SLC4A8: variants seen among roughly 807,000 people sequenced by gnomAD.
SLC4A8 encodes solute carrier family 4 member 8.
A neutral mutation model predicts 125.0 loss-of-function variants in SLC4A8; 40 were observed. The ratio of observed to expected loss-of-function variants is 0.32; its 90% CI spans 0.25 to 0.42. SLC4A8 has a LOEUF of 0.42. Ranked by LOEUF, SLC4A8 falls within the 10% of genes least tolerant of loss-of-function variation. The pLI is 1.00. For synonymous variants in SLC4A8, 456 were observed against 476.0 expected, an observed-to-expected ratio of 0.96 and a Z score of 0.55; for missense variants, 863 against 1,355.1, an observed-to-expected ratio of 0.64 and a Z score of 5.70.
chr12:51,406,586 C>T (rs1004864690), intron 1 of SLC4A8, among the ~76,000 whole-genome samples: 2 of 152,122 alleles, frequency 1.3e-5, no homozygotes, highest in Non-Finnish European at 2.9e-5. Context: ...TTGTAATGAA[C>T]GAGTAGAAGT....
At chr12:51,442,117 G>A (rs1272966597) in intron 2 of SLC4A8, among the ~76,000 whole-genome samples, 1 of 152,144 alleles carries the variant, frequency 6.6e-6, no homozygotes, top group African/African-American at 2.4e-5. Flanking sequence ...TACACATGAG[G>A]AAACTGCTCA....
intron 1 of SLC4A8, among the ~76,000 whole-genome samples, chr12:51,400,795 C>CGTTT (rs1565749368): frequency 1.0e-4 from 9 of 89,186 alleles, no homozygotes; most frequent in African/African-American, 4.6e-4. Flanking sequence ...TACACACACA[C>CGTTT]ACACACATAT....
intron 12 of SLC4A8, among the ~76,000 whole-genome samples, chr12:51,470,061 T>G (rs982680828): frequency 6.6e-6 from 1 of 152,176 alleles, no homozygotes; most frequent in African/African-American, 2.4e-5. Context: ...TGATGCCATT[T>G]CAAAATAAGA....
chr12:51,501,964 T>A (rs1474629800), intron 22 of SLC4A8: 2 of 152,228 alleles, frequency 1.3e-5, no homozygotes, highest in African/African-American at 2.4e-5. Context: ...TTTTAAGAAG[T>A]GTCTGTTCAT....
chr12:51,397,179 C>T (rs564233925), intron 1 of SLC4A8, among the ~76,000 whole-genome samples: 2 of 152,224 alleles, frequency 1.3e-5, no homozygotes, highest in South Asian at 4.1e-4. Flanking sequence ...CCGCCCACCT[C>T]GGCCTCCCAA....
chr12:51,497,245 A>AC (rs1951487007), intron 22 of SLC4A8, 121 bp downstream of exon 22: 1 of 1,044,144 alleles, frequency 9.6e-7, no homozygotes, highest in Non-Finnish European at 1.4e-6. Context: ...TGGGAAGATT[A>AC]CCCCCAAAGA....
At chr12:51,478,331 T>C (rs2138346773) in intron 16 of SLC4A8, among the ~76,000 whole-genome samples, 1 of 151,458 alleles carries the variant, frequency 6.6e-6, no homozygotes, top group South Asian at 2.1e-4. Context: ...CCCATCTACT[T>C]TGGAGGCTGA....
Position 51,449,979 on chromosome 12 carries a change from T to C in SLC4A8, c.131-897T>C, listed in dbSNP as rs551401181. 3.2e-4 allele frequency among the ~76,000 whole-genome samples: 48 copies of C among 152,048 alleles called. 1 individual carries two copies. Among genetic ancestry groups the C allele is most frequent in the Non-Finnish European group, 6.9e-4 (47 of 67,990 alleles). On this transcript the variant is annotated intron_variant, in intron 2 of 24. Coordinates refer to ENST00000453097, the MANE Select transcript of SLC4A8 (RefSeq NM_001039960.3). ...AGGAGTTCAAGGCTACAGTAAGATATGACCAGGCTACTGCCCTCTAGCCTG... is the reference window on the plus strand; with the variant it reads ...AGGAGTTCAAGGCTACAGTAAGATACGACCAGGCTACTGCCCTCTAGCCTG...
chr12:51,493,833 G>A, intron 20 of SLC4A8, 61 bp downstream of exon 20: 3 of 1,043,668 alleles, frequency 2.9e-6, no homozygotes, highest in Non-Finnish European at 4.5e-6. Flanking sequence ...TCCTGTCCAG[G>A]GAGGGACAGC....
rs112780806 is a variant in SLC4A8, at chr12:51,417,521, A to AT, written c.-111-23173dup. Reference sequence around the variant, plus strand: ...GCCACCATGCCCAGCTAATTTTTGTATTTTTTTTTTTTTTGAGACGAAGTC... The same window carrying AT: ...GCCACCATGCCCAGCTAATTTTTGTATTTTTTTTTTTTTTTGAGACGAAGTC... On this transcript the variant is annotated intron_variant, in intron 1 of 24. Transcript: ENST00000358657. Among the ~76,000 whole-genome samples, 1,247 of 135,100 alleles carry AT rather than the reference A, an allele frequency of 9.2e-3. 5 individuals are homozygous for AT. The highest frequency in any genetic ancestry group is 0.015 in the South Asian group (61 of 4,192). The allele number at this position is 135,100 out of a possible 152,430, so 88.6% of individuals were successfully genotyped here. A position where few individuals can be genotyped will look rare whatever the true frequency, so the allele number is the denominator to read the frequency against.
chr12:51,448,807 G>A (rs1949872154), intron 2 of SLC4A8, among the ~76,000 whole-genome samples: 1 of 152,210 alleles, frequency 6.6e-6, no homozygotes, highest in Non-Finnish European at 1.5e-5. Context: ...AGAGACTGGG[G>A]TCAGAAGCCA....
Position 51,448,117 on chromosome 12 carries a change from G to A in SLC4A8, c.131-2759G>A, listed in dbSNP as rs536115912. Among the ~76,000 whole-genome samples, 28 of 152,248 alleles carry A rather than the reference G, an allele frequency of 1.8e-4. No individual in the cohort carries two copies. The South Asian group carries it at 5.8e-3, about 32-fold the overall frequency. On this transcript the variant is annotated intron_variant, in intron 2 of 24. Coordinates refer to ENST00000453097, the MANE Select transcript of SLC4A8 (RefSeq NM_001039960.3). ...GAATGTATAATTGGTATTAAAAGAA[G>A]AAAAGATTAAAAAGGAGATTGAGTA...
upstream of SLC4A8, chr12:51,420,146 C>T (rs745873347): frequency 6.6e-6 from 1 of 152,220 alleles, no homozygotes; most frequent in Non-Finnish European, 1.5e-5. Context: ...CGAACAAGCC[C>T]TAATTAAGTC....
At chr12:51,505,991 G>A (rs1938151013) in intron 24 of SLC4A8, 61 bp downstream of exon 24, 5 of 785,702 alleles carry the variant, frequency 6.4e-6, no homozygotes, top group Non-Finnish European at 1.1e-5. Context: ...TGGCGATATT[G>A]AAGGTAAAAT....
intron 19 of SLC4A8, among the ~76,000 whole-genome samples, chr12:51,491,740 GACACACACAC>G (rs35694156): frequency 1.4e-5 from 2 of 145,928 alleles, no homozygotes; most frequent in Non-Finnish European, 3.0e-5. Flanking sequence ...GGGATGGGCA[GACACACACAC>G]ACACACACAC....
intron 1 of SLC4A8, among the ~76,000 whole-genome samples, chr12:51,430,629 T>G (rs1949157161): frequency 6.6e-6 from 1 of 152,012 alleles, no homozygotes; most frequent in Admixed American, 6.6e-5. Flanking sequence ...AGCAGAGACT[T>G]GAGCAGAGAA....
At chr12:51,434,461 C>T (rs1157679018) in intron 1 of SLC4A8, among the ~76,000 whole-genome samples, 1 of 152,182 alleles carries the variant, frequency 6.6e-6, no homozygotes, top group African/African-American at 2.4e-5. Context: ...TCAAGCCTGA[C>T]CTTTCAAATG....
Position 51,488,086 on chromosome 12 carries a change from T to A in SLC4A8, c.2287-613T>A, listed in dbSNP as rs1054257239. On this transcript the variant is annotated intron_variant, in intron 17 of 24. Transcript: ENST00000453097. Reference sequence around the variant, plus strand: ...TAAGTGGAAGGAAGTGCAAGATTAATGAATATTTCACAAGAAATTAATAAT... The same window carrying A: ...TAAGTGGAAGGAAGTGCAAGATTAAAGAATATTTCACAAGAAATTAATAAT... 2.0e-5 allele frequency among the ~76,000 whole-genome samples: 3 copies of A among 152,356 alleles called. No homozygotes were observed. In the South Asian group the frequency reaches 6.2e-4, roughly 32 times the overall value.
chr12:51,484,165 GAAC>G lies in SLC4A8; in HGVS notation c.2173-1620_2173-1618del, dbSNP rs1228342696. On this transcript the variant is annotated intron_variant, in intron 16 of 24. Transcript: ENST00000453097. ...TTTAGTGTACACCCATATATGACTA[GAAC>G]ACATTCTTAGACTTCAGTGAGCCTA... Among the ~76,000 whole-genome samples the G allele has an allele frequency of 6.6e-5, 10 of 152,260 alleles. No homozygotes were observed. The South Asian group carries it at 1.9e-3, about 28-fold the overall frequency.
Sources: gnomAD v4.1 joint callset for allele counts (sites outside exome capture counted in the v4.1 genomes callset) on GRCh38, gnomAD v4.1.1 for gene constraint, MANE v1.5 for transcripts, NCBI Gene and HGNC (gene_info 2026-07-23, HGNC 2026-07-21) for gene names.